Variants in IQCM observed in about 807,000 individuals in gnomAD.
IQCM encodes IQ domain-containing protein M.
In IQCM, 45 loss-of-function variants were observed where a neutral mutation model predicts 57.6. The ratio of observed to expected loss-of-function variants is 0.78; its 90% CI spans 0.62 to 1.00. IQCM has a LOEUF of 1.00. Ranked by LOEUF, IQCM falls within the 50% of genes least tolerant of loss-of-function variation. The pLI, the probability that IQCM is intolerant of heterozygous loss-of-function variation, is 0.00. For missense variants in IQCM, 468 were observed against 511.6 expected, an observed-to-expected ratio of 0.91 and a Z score of 0.82; for synonymous variants, 148 against 158.9, an observed-to-expected ratio of 0.93 and a Z score of 0.51.
intron 5 of IQCM, among the ~76,000 whole-genome samples, chr4:149,709,440 T>A (rs565587553): frequency 6.6e-6 from 1 of 152,098 alleles, no homozygotes; most frequent in Non-Finnish European, 1.5e-5. Flanking sequence ...GCATATATAC[T>A]CTTTTGAGTC....
At chr4:149,785,080 G>A (rs1436879628) in intron 2 of IQCM, among the ~76,000 whole-genome samples, 1 of 152,180 alleles carries the variant, frequency 6.6e-6, no homozygotes, top group Non-Finnish European at 1.5e-5. Flanking sequence ...AACAGAAAAT[G>A]CATCCATGGC....
chr4:149,747,311 C>A (rs1346017496), intron 2 of IQCM, among the ~76,000 whole-genome samples: 1 of 152,184 alleles, frequency 6.6e-6, no homozygotes, highest in Non-Finnish European at 1.5e-5. Context: ...GATTCCAAGA[C>A]CCCTGTAGAT....
At chr4:149,464,071 T>C (rs752742100) in intron 12 of IQCM, among the ~76,000 whole-genome samples, 6 of 152,178 alleles carry the variant, frequency 3.9e-5, no homozygotes, top group Non-Finnish European at 7.3e-5. Flanking sequence ...ACAGGTAGAA[T>C]TATAAAGCTT....
At chr4:149,549,201 G>A (rs1298410868) in intron 11 of IQCM, among the ~76,000 whole-genome samples, 3 of 152,150 alleles carry the variant, frequency 2.0e-5, no homozygotes, top group Non-Finnish European at 4.4e-5. Flanking sequence ...CTTGACTTTA[G>A]AAAGGAGTTA....
intron 3 of IQCM, chr4:149,737,853 T>G (rs1233490662): frequency 1.3e-5 from 2 of 152,172 alleles, no homozygotes; most frequent in Non-Finnish European, 2.9e-5. Context: ...TCCTTTTCCT[T>G]CTCTCATGAC....
intron 8 of IQCM, among the ~76,000 whole-genome samples, chr4:149,619,292 C>T (rs918183493): frequency 2.0e-5 from 3 of 151,842 alleles, no homozygotes; most frequent in South Asian, 2.1e-4. Context: ...CTATGGGTAG[C>T]GATGGTCATC....
intron 5 of IQCM, among the ~76,000 whole-genome samples, chr4:149,717,324 G>A (rs560892232): frequency 7.9e-4 from 120 of 152,244 alleles, no homozygotes; most frequent in Middle Eastern, 3.4e-3. Flanking sequence ...TGAATTGGAA[G>A]ACACCAAGCT....
intron 12 of IQCM, among the ~76,000 whole-genome samples, chr4:149,499,533 T>A (rs1347771540): frequency 6.6e-6 from 1 of 152,150 alleles, no homozygotes. Flanking sequence ...ATTTAAAATC[T>A]AGCTGATTTC....
intron 13 of IQCM, among the ~76,000 whole-genome samples, chr4:149,378,496 A>T (rs1216618969): frequency 6.6e-6 from 1 of 152,144 alleles, no homozygotes; most frequent in African/African-American, 2.4e-5. Flanking sequence ...ACTGAAGCAA[A>T]GGTGACTCAT....
At chr4:149,358,941 G>C (rs991920065) in intron 13 of IQCM, among the ~76,000 whole-genome samples, 4 of 106,162 alleles carry the variant, frequency 3.8e-5, no homozygotes, top group African/African-American at 1.5e-4. Context: ...GAGAGACACG[G>C]GTTGAGGGGT....
At chr4:149,789,798 AG>A (rs1772417535) in intron 2 of IQCM, among the ~76,000 whole-genome samples, 1 of 152,144 alleles carries the variant, frequency 6.6e-6, no homozygotes, top group Admixed American at 6.5e-5. Context: ...GATACTCAGG[AG>A]GCTAAGGAGT....
chr4:149,571,316 A>C (rs1029599477), intron 9 of IQCM, among the ~76,000 whole-genome samples: 2 of 152,142 alleles, frequency 1.3e-5, no homozygotes, highest in African/African-American at 4.8e-5. Context: ...CAGCCATAAA[A>C]GGAAGGAAAT....
intron 7 of IQCM, among the ~76,000 whole-genome samples, chr4:149,647,766 T>C (rs909444308): frequency 6.6e-6 from 1 of 152,196 alleles, no homozygotes; most frequent in African/African-American, 2.4e-5. Context: ...CTCTTGAACC[T>C]AAGAATTAAT....
intron 5 of IQCM, among the ~76,000 whole-genome samples, chr4:149,719,393 C>T (rs187457644): frequency 6.6e-6 from 1 of 151,390 alleles, no homozygotes; most frequent in East Asian, 1.9e-4. Context: ...TCCATTAGAC[C>T]TCCAGTGACT....
At chr4:149,514,018 G>T (rs982120772) in intron 12 of IQCM, among the ~76,000 whole-genome samples, 69 of 152,020 alleles carry the variant, frequency 4.5e-4, no homozygotes, top group African/African-American at 1.6e-3. Context: ...TGTTATGTTT[G>T]TTTTATGTGT....
intron 2 of IQCM, among the ~76,000 whole-genome samples, chr4:149,784,424 T>C (rs141280305): frequency 1.8e-4 from 28 of 152,324 alleles, no homozygotes; most frequent in South Asian, 6.2e-4. Flanking sequence ...ACACCTTCTC[T>C]GAAAAAAGTA....
At chr4:149,534,750 T>G (rs1478302103) in intron 12 of IQCM, among the ~76,000 whole-genome samples, 1 of 152,118 alleles carries the variant, frequency 6.6e-6, no homozygotes, top group Non-Finnish European at 1.5e-5. Flanking sequence ...CACCGCTGTA[T>G]TCCATGTTGA....
intron 5 of IQCM, among the ~76,000 whole-genome samples, chr4:149,693,889 C>A (rs1763119682): frequency 6.6e-6 from 1 of 152,002 alleles, no homozygotes. Flanking sequence ...TAATTGTTCC[C>A]CATTTTGCTA....
chr4:149,639,723 C>T lies in IQCM; in HGVS notation c.566-18479G>A, dbSNP rs190739427. On this transcript the variant is annotated intron_variant, in intron 7 of 13. Transcript: ENST00000636793. The stretch of plus-strand genomic sequence containing the variant: ...AACACTTGATCCCAGGAGTTTGAGA[C>T]CAGCCTGGGAAATATGGCAAAACTC... 1.9e-3 allele frequency among the ~76,000 whole-genome samples: 290 copies of T among 152,138 alleles called. 1 individual carries two copies. Among genetic ancestry groups the T allele is most frequent in the Admixed American group, 3.6e-3 (55 of 15,282 alleles).
Sources: gnomAD v4.1 joint callset for allele counts (sites outside exome capture counted in the v4.1 genomes callset) on GRCh38, gnomAD v4.1.1 for gene constraint, MANE v1.5 for transcripts, NCBI Gene and HGNC (gene_info 2026-07-23, HGNC 2026-07-21) for gene names.